LYST: variants seen among roughly 807,000 people sequenced by gnomAD.
LYST encodes the protein lysosomal-trafficking regulator.
LYST carries 192 observed loss-of-function variants against 413.6 expected under a neutral mutation model. The ratio of observed to expected loss-of-function variants is 0.46; its 90% confidence interval spans 0.41 to 0.52. LYST has a LOEUF of 0.52. Ranked by LOEUF, LYST falls within the 20% of genes least tolerant of loss-of-function variation. The pLI is 0.00. For synonymous variants in LYST, 1,525 were observed against 1,567.3 expected (o/e 0.97, Z 0.64); for missense variants, 3,815 against 4,499.9 (o/e 0.85, Z 4.35).
chr1:235,788,980 G>T, intron 12 of LYST, 135 bp from the exon 13 acceptor site: 1 of 777,848 alleles, frequency 1.3e-6, no homozygotes, highest in Non-Finnish European at 2.2e-6. Flanking sequence ...AGCCTGACCT[G>T]TTCTAAACAA....
At chr1:235,693,917 G>GCAAC (rs2103076817) in intron 46 of LYST, among the ~76,000 whole-genome samples, 1 of 152,192 alleles carries the variant, frequency 6.6e-6, no homozygotes, top group South Asian at 2.1e-4. Context: ...GCAACACCTA[G>GCAAC]CCTGAGAAGG....
At chr1:235,695,420 G>A (rs1185302818) in intron 46 of LYST, among the ~76,000 whole-genome samples, 1 of 152,176 alleles carries the variant, frequency 6.6e-6, no homozygotes, top group Non-Finnish European at 1.5e-5. Flanking sequence ...ACATACCCAG[G>A]TTCTGACAAA....
intron 37 of LYST, among the ~76,000 whole-genome samples, chr1:235,728,580 A>G (rs34355128): frequency 6.6e-6 from 1 of 152,206 alleles, no homozygotes; most frequent in Non-Finnish European, 1.5e-5. Context: ...GAGACACTCA[A>G]TAGGGTAGAG....
intron 1 of LYST, among the ~76,000 whole-genome samples, chr1:235,837,037 T>C (rs748702571): frequency 1.3e-5 from 2 of 152,220 alleles, no homozygotes; most frequent in Admixed American, 6.5e-5. Context: ...TCTGAGACGA[T>C]GAGCCTGTTC....
chr1:235,753,947 C>T (rs769620455), intron 25 of LYST, among the ~76,000 whole-genome samples: 15 of 152,092 alleles, frequency 9.9e-5, no homozygotes, highest in Non-Finnish European at 8.8e-5. Flanking sequence ...AGGAGACACA[C>T]GTTTCTCTCT....
At chr1:235,782,904 C>T (rs1203776945) in intron 14 of LYST, among the ~76,000 whole-genome samples, 2 of 152,132 alleles carry the variant, frequency 1.3e-5, no homozygotes, top group East Asian at 3.8e-4. Flanking sequence ...TTTCTTAATG[C>T]TAAGTGATTA....
In LYST at chr1:235,777,091, G is replaced by A; in HGVS notation, c.5432C>T (p.Thr1811Ile). ...GGCAAAGAGAAAAACAAATATGCCA[G>A]TTCCACCAATTTCGTGCAGAATGCC... ...IQGILHEIGG[T>I]GIFVFLFARV... The change falls in exon 17 of 53, where the codon ACT (threonine) becomes ATT (isoleucine). Residue 1811 changes from threonine (T) to isoleucine (I), a missense_variant. Coordinates refer to ENST00000389793, the MANE Select transcript of LYST (RefSeq NM_000081.4). The A allele has an allele frequency of 6.2e-7, 1 of 1,613,464 alleles. No homozygotes were observed. The highest frequency in any genetic ancestry group is 8.5e-7 in the Non-Finnish European group (1 of 1,179,576).
intron 1 of LYST, among the ~76,000 whole-genome samples, chr1:235,879,745 T>C (rs1681297161): frequency 1.3e-5 from 2 of 152,162 alleles, no homozygotes; most frequent in South Asian, 4.2e-4. Context: ...TCTTTCTTTT[T>C]TTTTTTTTTG....
chr1:235,805,515 T>C (rs1039797448), intron 6 of LYST, among the ~76,000 whole-genome samples: 8 of 151,904 alleles, frequency 5.3e-5, no homozygotes, highest in Admixed American at 4.6e-4. Flanking sequence ...CAATATCCAT[T>C]ATTATTCATC....
Position 235,759,616 on chromosome 1 carries a change from C to A in LYST, c.6254-17G>T, listed in dbSNP as rs1419320257. 6.3e-7 allele frequency: 1 copy of A among 1,594,144 alleles called. No homozygotes were observed. Among genetic ancestry groups the A allele is most frequent in the South Asian group, 1.1e-5 (1 of 90,682 alleles). Reference sequence around the variant, plus strand: ...AATTCTCTCCTGGTAAGAGTAGATACAAAAATACTACTTAAAAATCTATTA... The same window carrying A: ...AATTCTCTCCTGGTAAGAGTAGATAAAAAAATACTACTTAAAAATCTATTA... On this transcript the variant is annotated splice_polypyrimidine_tract_variant and intron_variant, in intron 22 of 52. Coordinates refer to ENST00000389793, the MANE Select transcript of LYST (RefSeq NM_000081.4).
Position 235,755,481 on chromosome 1 carries a change from T to G in LYST, c.7226A>C (p.Glu2409Ala). ...MFFGRHIGLD[E>A]EFDLEDVRNM... ...GTGGAGGGAAGAACACACTTACTCT[T>G]CATCAAGGCCAATATGTCGACCAAA... is the stretch of plus-strand genomic sequence containing the variant. Residue 2409 changes from glutamate (E) to alanine (A), a missense_variant, in exon 25 of 53, where the codon GAA (glutamate) becomes GCA (alanine). Physicochemically the swap from Glu to Ala is moderately radical, Grantham distance 107. Transcript: ENST00000389793. 1 of 1,612,194 alleles carries G rather than the reference T, an allele frequency of 6.2e-7. No homozygotes were observed. The highest frequency in any genetic ancestry group is 8.5e-7 in the Non-Finnish European group (1 of 1,178,556).
chr1:235,761,727 T>C (rs2103365902), intron 22 of LYST, among the ~76,000 whole-genome samples: 1 of 149,442 alleles, frequency 6.7e-6, no homozygotes, highest in East Asian at 2.0e-4. Context: ...CTAGGCTGGA[T>C]AGGGAAAGCG....
intron 10 of LYST, among the ~76,000 whole-genome samples, chr1:235,797,767 T>C (rs1433521369): frequency 6.6e-6 from 1 of 152,010 alleles, no homozygotes; most frequent in African/African-American, 2.4e-5. Flanking sequence ...AATAAAAAAA[T>C]AGATAAATTG....
intron 40 of LYST, among the ~76,000 whole-genome samples, chr1:235,718,771 A>T (rs1663072856): frequency 6.6e-6 from 1 of 152,226 alleles, no homozygotes; most frequent in African/African-American, 2.4e-5. Flanking sequence ...GGAAAGGCAG[A>T]ATAAATGCTG....
At chr1:235,718,310 G>A (rs1230743341) in intron 40 of LYST, among the ~76,000 whole-genome samples, 1 of 151,532 alleles carries the variant, frequency 6.6e-6, no homozygotes. Flanking sequence ...GGCCACACAT[G>A]TTGGTCTATA....
rs1363903154 is a variant in LYST at position 235,686,400 on chromosome 1, C to T, written c.10800+549G>A. 6.6e-6 allele frequency among the ~76,000 whole-genome samples: 1 copy of T among 152,018 alleles called. No homozygotes were observed. The highest frequency in any genetic ancestry group is 1.5e-5 in the Non-Finnish European group (1 of 67,990). ...AAAACAAAACAAAACAAAACAAAACCCCCCAAAAACAGTAAATTAAAAGAA... is the reference window on the plus strand; with the variant it reads ...AAAACAAAACAAAACAAAACAAAACTCCCCAAAAACAGTAAATTAAAAGAA... On this transcript the variant is annotated intron_variant, in intron 48 of 52. Coordinates refer to ENST00000389793, the MANE Select transcript of LYST (RefSeq NM_000081.4). This position sits in a 1 kb window ranked among gnomAD's most constrained non-coding sequence, Gnocchi z 4.0.
At chr1:235,716,196 G>C (rs1252401014) in intron 41 of LYST, among the ~76,000 whole-genome samples, 1 of 152,278 alleles carries the variant, frequency 6.6e-6, no homozygotes, top group Non-Finnish European at 1.5e-5. Flanking sequence ...AGAATGTAAT[G>C]CGTAGCTATT....
At chr1:235,880,743 T>C (rs1189456453) in intron 1 of LYST, among the ~76,000 whole-genome samples, 1 of 152,212 alleles carries the variant, frequency 6.6e-6, no homozygotes, top group Non-Finnish European at 1.5e-5. Flanking sequence ...TTGTCACCCT[T>C]AAATGTCCCT....
intron 3 of LYST, among the ~76,000 whole-genome samples, chr1:235,824,835 G>A (rs1354173995): frequency 6.6e-6 from 1 of 151,926 alleles, no homozygotes; most frequent in African/African-American, 2.4e-5. Context: ...GCCTGGCCAA[G>A]ATGGTGAAAC....
Sources: allele counts gnomAD v4.1 joint callset (sites outside exome capture counted in the v4.1 genomes callset), GRCh38; gene constraint gnomAD v4.1.1; non-coding constraint Gnocchi (gnomAD v3.1); transcripts MANE v1.5; gene names NCBI Gene and HGNC (gene_info 2026-07-23, HGNC 2026-07-21).